The following POC1B variants were observed in gnomAD, a reference collection of about 807,000 sequenced individuals.
POC1B encodes POC1 centriolar protein B.
A neutral mutation model predicts 60.6 loss-of-function variants in POC1B; 44 were observed. That is an observed-to-expected ratio of 0.73 (90% CI 0.57 to 0.93). The LOEUF (loss-of-function observed/expected upper bound fraction) is 0.93. POC1B is among the 40% of genes least tolerant of loss of function. The pLI is 0.00. For synonymous variants in POC1B, 180 were observed against 198.9 expected, an observed-to-expected ratio of 0.90 and a Z score of 0.80; for missense variants, 555 against 572.3, an observed-to-expected ratio of 0.97 and a Z score of 0.31.
intron 4 of POC1B, among the ~76,000 whole-genome samples, chr12:89,491,690 T>C (rs1868982441): frequency 6.6e-6 from 1 of 151,778 alleles, no homozygotes; most frequent in Admixed American, 6.6e-5. Flanking sequence ...CCCAGCTCTT[T>C]CTCCATAGTG....
At chr12:89,524,335 C>G (rs753832081) in intron 2 of POC1B, 1 of 1,613,996 alleles carries the variant, frequency 6.2e-7, no homozygotes, top group South Asian at 1.1e-5. Context: ...CCCAAGTGCA[C>G]GGGAATCTGC....
At chr12:89,508,786 A>G (rs547707823) in intron 2 of POC1B, among the ~76,000 whole-genome samples, 1 of 152,288 alleles carries the variant, frequency 6.6e-6, no homozygotes, top group African/African-American at 2.4e-5. Context: ...CGATGGTTTT[A>G]TAAGGAGCTT....
chr12:89,478,196 G>A lies in POC1B; in HGVS notation c.453-5921C>T, dbSNP rs1400451531. Among the ~76,000 whole-genome samples, 4 of 152,100 alleles carry A rather than the reference G, an allele frequency of 2.6e-5. No homozygotes were observed. The East Asian group carries it at 5.8e-4, about 22-fold the overall frequency. The stretch of plus-strand genomic sequence containing the variant: ...GGGATCTTAGCTCACTGCGACCTCC[G>A]CCTCCTGGGTTCAAGCGATTCTCAT... On this transcript the variant is annotated intron_variant, in intron 4 of 11. Transcript: ENST00000313546.
At chr12:89,522,986 C>A in intron 2 of POC1B, 2 of 1,613,954 alleles carry the variant, frequency 1.2e-6, no homozygotes, top group Non-Finnish European at 1.7e-6. Context: ...ACAGGGAACC[C>A]ATCTTTGGGA....
At chr12:89,463,037 A>G (rs1177822784) in intron 9 of POC1B, among the ~76,000 whole-genome samples, 1 of 152,214 alleles carries the variant, frequency 6.6e-6, no homozygotes, top group South Asian at 2.1e-4. Context: ...TAAAAACCCA[A>G]TCTCAGACTT....
At chr12:89,522,025 C>T (rs1211285868) in intron 2 of POC1B, 5 of 398,834 alleles carry the variant, frequency 1.3e-5, no homozygotes, top group African/African-American at 8.2e-5. Context: ...ACATTCATAA[C>T]TTAAGGAAGT....
chr12:89,443,361 C>A (rs540942013), intron 10 of POC1B, among the ~76,000 whole-genome samples: 1 of 152,184 alleles, frequency 6.6e-6, no homozygotes, highest in African/African-American at 2.4e-5. Context: ...AAGTAAAGCA[C>A]AACTCAGCAA....
At chr12:89,489,906 T>G (rs1287003928) in intron 4 of POC1B, among the ~76,000 whole-genome samples, 1 of 152,196 alleles carries the variant, frequency 6.6e-6, no homozygotes, top group African/African-American at 2.4e-5. Context: ...AGCATCTCAC[T>G]GCTAGGCAAG....
At chr12:89,511,495 C>T (rs975581160) in intron 2 of POC1B, among the ~76,000 whole-genome samples, 2 of 152,026 alleles carry the variant, frequency 1.3e-5, no homozygotes, top group Non-Finnish European at 2.9e-5. Flanking sequence ...TTTCAGAAGT[C>T]CTTCTCTGTA....
chr12:89,507,523 C>T (rs967153482), intron 2 of POC1B, among the ~76,000 whole-genome samples: 6 of 152,074 alleles, frequency 3.9e-5, no homozygotes, highest in East Asian at 3.9e-4. Flanking sequence ...TCATCTTCAA[C>T]GGGTCTATTT....
In POC1B at chr12:89,525,883, T is replaced by C. The variant is rs1345282782; in HGVS notation, c.13A>G (p.Thr5Ala). ...CCCCACCTCCAACCCGTCCTTACCG[T>C]GGCTGAGGCCATCGGGGGAGTGGTC... The part of the protein sequence containing the change: MASA[T>A]EDPVLERYFK... Residue 5 changes from threonine (T) to alanine (A), a missense_variant and splice_region_variant, in exon 1 of 12, where the codon ACG (threonine) becomes GCG (alanine). Coordinates refer to ENST00000313546, the MANE Select transcript of POC1B (RefSeq NM_172240.3). 2.1e-6 allele frequency: 3 copies of C among 1,460,450 alleles called. No homozygotes were observed. Among genetic ancestry groups the C allele is most frequent in the Non-Finnish European group, 1.8e-6 (2 of 1,100,564 alleles). The allele number at this position is 1,460,450 out of a possible 1,614,324, so 90.5% of individuals were successfully genotyped here.
At chr12:89,429,651 G>A (rs558899163) in intron 10 of POC1B, among the ~76,000 whole-genome samples, 13 of 152,242 alleles carry the variant, frequency 8.5e-5, no homozygotes, top group African/African-American at 3.1e-4. Flanking sequence ...CGCTCTCAAG[G>A]ATTCCCTGTT....
chr12:89,406,976 G>A, the POC1B span, among the ~76,000 whole-genome samples: 5 of 143,756 alleles, frequency 3.5e-5, no homozygotes, highest in African/African-American at 5.2e-5. Flanking sequence ...CGAAACCCCC[G>A]TCTCTACTAA....
At chr12:89,428,724 T>C (rs978220687) in intron 10 of POC1B, 2 of 152,244 alleles carry the variant, frequency 1.3e-5, no homozygotes, top group Non-Finnish European at 2.9e-5. Context: ...CTCCAGCTAC[T>C]TTTTTGTATT....
intron 2 of POC1B, chr12:89,500,044 G>A (rs1425307302): frequency 2.3e-5 from 27 of 1,195,508 alleles, no homozygotes; most frequent in South Asian, 1.4e-4. Flanking sequence ...GCTGTGGTCT[G>A]TGTGGGCTTC....
At chr12:89,501,384 TA>T in intron 2 of POC1B, 1 of 1,026,818 alleles carries the variant, frequency 9.7e-7, no homozygotes, top group Non-Finnish European at 1.5e-6. Flanking sequence ...AATTTATGGC[TA>T]AACCAGCTGA....
downstream of POC1B, among the ~76,000 whole-genome samples, chr12:89,415,624 C>T (rs374690693): frequency 2.8e-4 from 42 of 149,046 alleles, 2 homozygotes; most frequent in East Asian, 7.7e-3. Flanking sequence ...GCCTGGGCGA[C>T]ACAGCGAGAC....
At chr12:89,474,629 A>G (rs185828699) in intron 4 of POC1B, among the ~76,000 whole-genome samples, 1 of 152,348 alleles carries the variant, frequency 6.6e-6, no homozygotes, top group East Asian at 1.9e-4. Flanking sequence ...AGTAACTGCC[A>G]GTGTTATCAG....
intron 2 of POC1B, among the ~76,000 whole-genome samples, chr12:89,512,903 T>C (rs941988058): frequency 1.8e-4 from 28 of 152,156 alleles, no homozygotes; most frequent in Admixed American, 1.8e-3. Flanking sequence ...TTTTATAAGA[T>C]TCCAAAGCCT....
Sources: allele counts gnomAD v4.1 joint callset (sites outside exome capture counted in the v4.1 genomes callset), GRCh38; gene constraint gnomAD v4.1.1; transcripts MANE v1.5; gene names NCBI Gene and HGNC (gene_info 2026-07-23, HGNC 2026-07-21).